The following SLC4A1AP variants were observed in gnomAD, a reference collection of about 807,000 sequenced individuals.
The protein encoded by SLC4A1AP is solute carrier family 4 member 1 adaptor protein.
Under a neutral mutation model 89.7 loss-of-function variants are expected in SLC4A1AP, and 64 were observed. The observed-to-expected ratio is 0.71, with a 90% CI of 0.58 to 0.88. The LOEUF (loss-of-function observed/expected upper bound fraction) is 0.88, where lower values mean the gene tolerates loss of function less well. SLC4A1AP is among the 40% of genes least tolerant of loss of function. SLC4A1AP has a pLI of 0.00. For synonymous variants in SLC4A1AP, 366 were observed against 353.3 expected (o/e 1.04, Z -0.40); for missense variants, 931 against 965.0 (o/e 0.96, Z 0.47).
intron 2 of SLC4A1AP, among the ~76,000 whole-genome samples, chr2:27,665,999 G>C (rs1254647328): frequency 1.3e-5 from 2 of 152,212 alleles, no homozygotes; most frequent in Non-Finnish European, 2.9e-5. Context: ...GTAGCCACTA[G>C]CCACATGTGG....
intron 12 of SLC4A1AP, chr2:27,691,945 A>G (rs187126281): frequency 2.0e-5 from 3 of 152,034 alleles, no homozygotes; most frequent in East Asian, 3.9e-4. Context: ...TAGGTTGTCA[A>G]TTTGTGATCT....
At chr2:27,677,055 C>T (rs935164212) in intron 6 of SLC4A1AP, among the ~76,000 whole-genome samples, 1 of 151,944 alleles carries the variant, frequency 6.6e-6, no homozygotes, top group Non-Finnish European at 1.5e-5. Flanking sequence ...AGGAGAATCG[C>T]TTGAACCCGG....
exon 1 of SLC4A1AP, chr2:27,664,051 T>G: frequency 6.2e-7 from 1 of 1,613,874 alleles, no homozygotes; most frequent in Non-Finnish European, 8.5e-7. Context: ...CCTGAGGAGG[T>G]ACAGAAGGAA....
At chr2:27,693,847 C>A in intron 13 of SLC4A1AP, 93 bp downstream of exon 13, 1 of 944,474 alleles carries the variant, frequency 1.1e-6, no homozygotes, top group Non-Finnish European at 1.6e-6. Context: ...AAGAAAGTTA[C>A]AAGAGTATGT....
intron 3 of SLC4A1AP, among the ~76,000 whole-genome samples, chr2:27,667,890 A>T (rs1382808697): frequency 6.6e-6 from 1 of 151,606 alleles, no homozygotes; most frequent in Admixed American, 6.6e-5. Flanking sequence ...TATAAATAAT[A>T]TATGAAATAG....
intron 6 of SLC4A1AP, among the ~76,000 whole-genome samples, chr2:27,676,803 C>G (rs959830708): frequency 3.4e-5 from 5 of 148,478 alleles, no homozygotes; most frequent in Non-Finnish European, 7.4e-5. Context: ...GCACTGCAGC[C>G]TGGGTGACAG....
intron 2 of SLC4A1AP, among the ~76,000 whole-genome samples, chr2:27,666,814 CCT>C (rs1181721232): frequency 6.6e-6 from 1 of 151,650 alleles, no homozygotes; most frequent in African/African-American, 2.4e-5. Context: ...TGTTCCACCC[CCT>C]GTCCCTGCAA....
exon 8 of SLC4A1AP, chr2:27,677,778 C>T: frequency 3.7e-6 from 6 of 1,612,614 alleles, no homozygotes; most frequent in Non-Finnish European, 5.1e-6. Context: ...TAGATGCGTT[C>T]ATGTCAGAAA....
chr2:27,677,728 T>C lies in SLC4A1AP; in HGVS notation c.1577-10T>C. 1.3e-6 allele frequency: 2 copies of C among 1,575,652 alleles called. No homozygotes were observed. The highest frequency in any genetic ancestry group is 1.2e-5 in the South Asian group (1 of 84,984). On this transcript the variant is annotated splice_polypyrimidine_tract_variant and intron_variant, in intron 7 of 13. Coordinates refer to ENST00000613058, the Ensembl canonical transcript of SLC4A1AP. ...TCTTTCTAAACATGTGTTATTCTTTTCTTGGACAGTTCTATCAGAGTCTCC... is the reference window on the plus strand; with the variant it reads ...TCTTTCTAAACATGTGTTATTCTTTCCTTGGACAGTTCTATCAGAGTCTCC...
At chr2:27,694,425 T>G (rs1427076907) in intron 13 of SLC4A1AP, among the ~76,000 whole-genome samples, 1 of 152,118 alleles carries the variant, frequency 6.6e-6, no homozygotes, top group African/African-American at 2.4e-5. Flanking sequence ...TTTAGTTACT[T>G]GAGATGTCTG....
At chr2:27,668,874 G>T (rs1297703073) in exon 4 of SLC4A1AP, 1 of 1,613,990 alleles carries the variant, frequency 6.2e-7, no homozygotes, top group East Asian at 2.2e-5. Context: ...TTGATGAACA[G>T]GGACATAGCA....
chr2:27,668,188 G>T (rs998295869), intron 3 of SLC4A1AP, among the ~76,000 whole-genome samples: 1 of 151,008 alleles, frequency 6.6e-6, no homozygotes, highest in Non-Finnish European at 1.5e-5. Context: ...TCGCTCTGTT[G>T]CCCAGGCTGG....
intron 12 of SLC4A1AP, chr2:27,692,748 T>C (rs763478569): frequency 1.2e-4 from 19 of 152,168 alleles, no homozygotes; most frequent in Non-Finnish European, 2.5e-4. Flanking sequence ...ATAGCCTTCT[T>C]TGTCTTTTTT....
At chr2:27,690,456 C>A (rs1266292423) in intron 12 of SLC4A1AP, among the ~76,000 whole-genome samples, 3 of 151,938 alleles carry the variant, frequency 2.0e-5, no homozygotes, top group Non-Finnish European at 1.5e-5. Context: ...GCCTCTAGCT[C>A]CAAGTTGCTG....
Position 27,667,320 on chromosome 2 carries a change from T to C in SLC4A1AP, c.1074T>C (p.Phe358=), listed in dbSNP as rs752625289. 8.1e-6 allele frequency: 13 copies of C among 1,613,672 alleles called. No homozygotes were observed. In the South Asian group the frequency reaches 1.3e-4, roughly 16 times the overall value. ...AAGAGAACCCTATTGTCTTAGAGTT[T>C]CAGCAGGAAAGGGAGGCCTTTTATA... Residue 358 remains phenylalanine (F), a synonymous_variant, in exon 3 of 14, where the codon TTT becomes TTC. Coordinates refer to ENST00000613058, the Ensembl canonical transcript of SLC4A1AP.
exon 8 of SLC4A1AP, chr2:27,677,775 G>T: frequency 6.2e-7 from 1 of 1,611,992 alleles, no homozygotes; most frequent in Non-Finnish European, 8.5e-7. Flanking sequence ...CTTTAGATGC[G>T]TTCATGTCAG....
At chr2:27,685,503 T>C (rs972572198) in intron 10 of SLC4A1AP, among the ~76,000 whole-genome samples, 11 of 152,232 alleles carry the variant, frequency 7.2e-5, no homozygotes, top group African/African-American at 2.4e-4. Flanking sequence ...ATTCCAGAAT[T>C]ACAGAAAATT....
chr2:27,676,174 A>T (rs1675518027), intron 6 of SLC4A1AP, among the ~76,000 whole-genome samples: 1 of 152,222 alleles, frequency 6.6e-6, no homozygotes, highest in African/African-American at 2.4e-5. Context: ...TACCTATTAG[A>T]CTAGAAAAAA....
At position 27,688,037 on chromosome 2, in the gene SLC4A1AP, CCTT is replaced by C. The variant is rs76173523; in HGVS notation, c.2203+19_2203+21del. On this transcript the variant is annotated intron_variant, in intron 11 of 13. Transcript: ENST00000613058. ...GACCCTCAGGCAAGTAGTACGGCAG[CCTT>C]CATTGCTGCTCTGCACACAGGTGGC... 8.6e-3 allele frequency: 13,749 copies of C among 1,605,500 alleles called. 83 individuals carry two copies. Among genetic ancestry groups the C allele is most frequent in the Middle Eastern group, 0.014 (83 of 6,046 alleles).
Sources: allele counts gnomAD v4.1 joint callset (sites outside exome capture counted in the v4.1 genomes callset), GRCh38; gene constraint gnomAD v4.1.1; transcripts MANE v1.5; gene names NCBI Gene and HGNC (gene_info 2026-07-23, HGNC 2026-07-21).